Variants in NOS1AP observed in about 807,000 individuals in gnomAD.
The protein encoded by NOS1AP is nitric oxide synthase 1 adaptor protein.
Under a neutral mutation model 56.2 loss-of-function variants are expected in NOS1AP, and 21 were observed. That is an observed-to-expected ratio of 0.37 (90% CI 0.26 to 0.54). The LOEUF (loss-of-function observed/expected upper bound fraction) is 0.54, where lower values mean the gene tolerates loss of function less well. Ranked by LOEUF, NOS1AP falls within the 20% of genes least tolerant of loss-of-function variation. The pLI is 0.84. For synonymous variants in NOS1AP, 270 were observed against 274.6 expected (o/e 0.98, Z 0.17); for missense variants, 522 against 657.8 (o/e 0.79, Z 2.26).
intron 1 of NOS1AP, among the ~76,000 whole-genome samples, chr1:162,125,130 C>CTTTTTTT (rs56264198): frequency 2.4e-4 from 30 of 124,162 alleles, no homozygotes; most frequent in African/African-American, 9.4e-4. Flanking sequence ...GTTTCTGACT[C>CTTTTTTT]TTTTTTTTTT....
intron 2 of NOS1AP, among the ~76,000 whole-genome samples, chr1:162,176,649 C>T (rs1189885180): frequency 1.3e-5 from 2 of 151,700 alleles, no homozygotes; most frequent in Non-Finnish European, 2.9e-5. Flanking sequence ...GCTGGGACTA[C>T]AGGCGTGTGC....
At chr1:162,242,508 A>G (rs557692108) in intron 2 of NOS1AP, among the ~76,000 whole-genome samples, 2 of 152,304 alleles carry the variant, frequency 1.3e-5, no homozygotes, top group African/African-American at 4.8e-5. Flanking sequence ...GATGGCCAGC[A>G]TCATCTGTCA....
At chr1:162,336,422 T>C (rs932501245) in intron 5 of NOS1AP, among the ~76,000 whole-genome samples, 3 of 152,212 alleles carry the variant, frequency 2.0e-5, no homozygotes, top group African/African-American at 7.2e-5. Context: ...GTTATATAAC[T>C]CAGAAGTTGC....
intron 2 of NOS1AP, among the ~76,000 whole-genome samples, chr1:162,232,851 C>G (rs1457176912): frequency 6.6e-6 from 1 of 152,168 alleles, no homozygotes; most frequent in African/African-American, 2.4e-5. Context: ...TAAATGAACT[C>G]ATCTAATCCT....
intron 5 of NOS1AP, among the ~76,000 whole-genome samples, chr1:162,343,260 C>T (rs1657167037): frequency 1.3e-5 from 2 of 152,114 alleles, no homozygotes; most frequent in South Asian, 4.2e-4. Flanking sequence ...CAGAATAGAC[C>T]CAAGAACGTG....
chr1:162,320,727 G>A (rs1203193340), intron 4 of NOS1AP, among the ~76,000 whole-genome samples: 13 of 152,062 alleles, frequency 8.5e-5, no homozygotes, highest in African/African-American at 2.2e-4. Flanking sequence ...GGTGGCGCGC[G>A]CCTGTAGTCC....
chr1:162,364,724 T>A (rs2101829659), intron 8 of NOS1AP: 1 of 985,944 alleles, frequency 1.0e-6, no homozygotes, highest in African/African-American at 1.7e-5. Context: ...TAATATGTGG[T>A]ATGAATCATG....
chr1:162,329,436 C>A (rs1656695733), intron 4 of NOS1AP, among the ~76,000 whole-genome samples: 1 of 151,648 alleles, frequency 6.6e-6, no homozygotes, highest in Non-Finnish European at 1.5e-5. Flanking sequence ...GGGAATAAAA[C>A]CTTATTAACA....
At chr1:162,234,588 A>G (rs1222082110) in intron 2 of NOS1AP, among the ~76,000 whole-genome samples, 1 of 151,936 alleles carries the variant, frequency 6.6e-6, no homozygotes, top group Non-Finnish European at 1.5e-5. Context: ...CTTCCTCTCT[A>G]TGTGTCCTGT....
intron 2 of NOS1AP, among the ~76,000 whole-genome samples, chr1:162,186,040 C>G (rs941723359): frequency 1.3e-5 from 2 of 152,182 alleles, no homozygotes; most frequent in African/African-American, 4.8e-5. Context: ...CTTTGCTTAA[C>G]TTTTGTTTAC....
At chr1:162,212,777 C>T (rs572867086) in intron 2 of NOS1AP, among the ~76,000 whole-genome samples, 13 of 150,566 alleles carry the variant, frequency 8.6e-5, no homozygotes, top group Non-Finnish European at 1.6e-4. Flanking sequence ...TCTCCTACCT[C>T]TCCTTCTTCC....
At chr1:162,344,004 G>C in intron 6 of NOS1AP, 28 bp downstream of exon 6, 1 of 1,613,370 alleles carries the variant, frequency 6.2e-7, no homozygotes, top group South Asian at 1.1e-5. Context: ...TGTGGATGTG[G>C]GTGGGAAGGC....
chr1:162,325,178 A>T (rs1014615242), intron 4 of NOS1AP, among the ~76,000 whole-genome samples: 6 of 152,242 alleles, frequency 3.9e-5, no homozygotes, highest in African/African-American at 1.4e-4. Context: ...TGATGTGATT[A>T]AAAAGCCCTG....
chr1:162,136,141 A>T (rs530471205), intron 1 of NOS1AP, among the ~76,000 whole-genome samples: 1 of 152,296 alleles, frequency 6.6e-6, no homozygotes, highest in Admixed American at 6.5e-5. Context: ...TATGGTGTGG[A>T]GTAGTCAGGG....
chr1:162,072,585 G>A (rs1691682502), intron 1 of NOS1AP, among the ~76,000 whole-genome samples: 1 of 152,174 alleles, frequency 6.6e-6, no homozygotes, highest in Admixed American at 6.5e-5. Context: ...AGAGAAGAAA[G>A]GACAAAAGCA....
chr1:162,150,801 A>G (rs1465343786), intron 1 of NOS1AP, among the ~76,000 whole-genome samples: 1 of 152,134 alleles, frequency 6.6e-6, no homozygotes, highest in Non-Finnish European at 1.5e-5. Flanking sequence ...TATTTAAATC[A>G]GATTATTAGA....
intron 1 of NOS1AP, among the ~76,000 whole-genome samples, chr1:162,141,632 T>C (rs1571056014): frequency 1.3e-5 from 2 of 152,362 alleles, no homozygotes; most frequent in East Asian, 1.9e-4. Context: ...CTCTTTTCTC[T>C]TTGACTTCTC....
chr1:162,261,514 G>GGAAGAGA (rs1325796470), intron 2 of NOS1AP, among the ~76,000 whole-genome samples: 2 of 23,304 alleles, frequency 8.6e-5, no homozygotes, highest in African/African-American at 2.6e-4. Flanking sequence ...GAGAGAGAGA[G>GGAAGAGA]AGAGAGAGAG....
chr1:162,190,677 G>A (rs777073853), intron 2 of NOS1AP, among the ~76,000 whole-genome samples: 3 of 151,998 alleles, frequency 2.0e-5, no homozygotes, highest in African/African-American at 7.3e-5. Context: ...ATAGTTATCC[G>A]GCAGTGGTGG....
Sources: allele counts gnomAD v4.1 joint callset (sites outside exome capture counted in the v4.1 genomes callset), GRCh38; gene constraint gnomAD v4.1.1; transcripts MANE v1.5; gene names NCBI Gene and HGNC (gene_info 2026-07-23, HGNC 2026-07-21).